Variants in RCOR1 observed in about 807,000 individuals in gnomAD.
RCOR1 encodes the protein REST corepressor 1.
A neutral mutation model predicts 64.0 loss-of-function variants in RCOR1; 12 were observed. The ratio of observed to expected loss-of-function variants is 0.19; its 90% CI spans 0.12 to 0.30. RCOR1 has a LOEUF of 0.30. Ranked by LOEUF, RCOR1 falls within the 10% of genes least tolerant of loss-of-function variation. RCOR1 has a pLI of 1.00. For synonymous variants in RCOR1, 279 were observed against 227.2 expected, an observed-to-expected ratio of 1.23 and a Z score of -2.05; for missense variants, 502 against 621.2, an observed-to-expected ratio of 0.81 and a Z score of 2.04.
At chr14:102,696,875 CTT>C (rs1160783019) in intron 3 of RCOR1, among the ~76,000 whole-genome samples, 5 of 77,280 alleles carry the variant, frequency 6.5e-5, no homozygotes, top group Non-Finnish European at 2.7e-5. Context: ...GGGTTGAAAG[CTT>C]TTTTTTTTTG....
At chr14:102,600,634 G>A (rs1184233992) in intron 2 of RCOR1, among the ~76,000 whole-genome samples, 1 of 149,018 alleles carries the variant, frequency 6.7e-6, no homozygotes, top group Non-Finnish European at 1.5e-5. Context: ...GCAGTGGCGT[G>A]ATCTCAGCTC....
At chr14:102,717,607 G>A (rs904541793) in intron 8 of RCOR1, among the ~76,000 whole-genome samples, 2 of 152,128 alleles carry the variant, frequency 1.3e-5, no homozygotes, top group African/African-American at 2.4e-5. Flanking sequence ...GAACTGTCTC[G>A]GGCTGTGAGC....
chr14:102,621,136 GTT>G (rs1001447503), intron 2 of RCOR1, among the ~76,000 whole-genome samples: 2 of 152,088 alleles, frequency 1.3e-5, no homozygotes, highest in Non-Finnish European at 2.9e-5. Flanking sequence ...TGCCCAGCTA[GTT>G]TTTTAGAATT....
intron 2 of RCOR1, among the ~76,000 whole-genome samples, chr14:102,633,700 C>G (rs747334432): frequency 4.6e-5 from 7 of 152,056 alleles, no homozygotes; most frequent in Non-Finnish European, 1.5e-5. Flanking sequence ...CCAACACGCC[C>G]GGCTAACTTT....
intron 2 of RCOR1, chr14:102,662,380 T>G (rs2139941091): frequency 3.5e-6 from 2 of 564,450 alleles, no homozygotes; most frequent in Non-Finnish European, 6.9e-6. Context: ...TCACAGCCTG[T>G]TTGATCTGGT....
chr14:102,701,627 A>G lies in RCOR1; in HGVS notation c.498+297A>G, dbSNP rs141228396. Among the ~76,000 whole-genome samples, 9 of 152,300 alleles carry G rather than the reference A, an allele frequency of 5.9e-5. 1 individual carries two copies. The highest frequency in any genetic ancestry group is 2.2e-4 in the African/African-American group (9 of 41,566). On this transcript the variant is annotated intron_variant, in intron 4 of 11. Coordinates refer to ENST00000262241, the MANE Select transcript of RCOR1 (RefSeq NM_015156.4). ...GAGCATAATGCTTTCTCATTTGAAT[A>G]TGTGATTTGTTTGTCATTCTTCTGG... is the stretch of plus-strand genomic sequence containing the variant.
At chr14:102,712,947 G>GTTTTTTTT (rs67246962) in intron 7 of RCOR1, among the ~76,000 whole-genome samples, 9 of 77,700 alleles carry the variant, frequency 1.2e-4, no homozygotes, top group Admixed American at 3.9e-4. Flanking sequence ...CTAAATCATT[G>GTTTTTTTT]TTTTTTTTTT....
At chr14:102,713,959 G>A (rs770237183) in intron 7 of RCOR1, among the ~76,000 whole-genome samples, 5 of 152,246 alleles carry the variant, frequency 3.3e-5, no homozygotes, top group South Asian at 2.1e-4. Context: ...ATTAATAGCC[G>A]TCATGCATTT....
At position 102,710,600 on chromosome 14, in the gene RCOR1, A is replaced by G. The variant is rs114639495; in HGVS notation, c.780-335A>G. 3.9e-3 allele frequency: 905 copies of G among 229,390 alleles called. 14 individuals are homozygous for G. Among genetic ancestry groups the G allele is most frequent in the African/African-American group, 0.019 (828 of 42,546 alleles). 14.2% of individuals were successfully genotyped at this position (229,390 alleles called of 1,614,324 possible). A position where few individuals can be genotyped will look rare whatever the true frequency, so the allele number is the denominator to read the frequency against. The stretch of plus-strand genomic sequence containing the variant: ...ATCATATCCTAGTCCTCAATAGATA[A>G]TTATGAGAAAATAACATGTAAATGC... On this transcript the variant is annotated intron_variant, in intron 6 of 11. Transcript: ENST00000262241.
rs1489674727 is a variant in RCOR1, at chr14:102,632,669, C to CT, written c.361+39347dup. On this transcript the variant is annotated intron_variant, in intron 2 of 11. Coordinates refer to ENST00000262241, the MANE Select transcript of RCOR1 (RefSeq NM_015156.4). ...CTTTCCTTTCCTTTCCTTTCCTTTC[C>CT]TTTCCTTTCCTTTTCCTTTTCCTTT... 7.4e-3 allele frequency among the ~76,000 whole-genome samples: 367 copies of CT among 49,730 alleles called. 3 individuals carry two copies. The highest frequency in any genetic ancestry group is 0.013 in the Non-Finnish European group (284 of 22,140). 32.6% of individuals were successfully genotyped at this position (49,730 alleles called of 152,430 possible). A position where few individuals can be genotyped will look rare whatever the true frequency, so the allele number is the denominator to read the frequency against.
intron 2 of RCOR1, among the ~76,000 whole-genome samples, chr14:102,635,280 G>C (rs1894212847): frequency 6.6e-6 from 1 of 152,176 alleles, no homozygotes; most frequent in Non-Finnish European, 1.5e-5. Context: ...CAGGCGGGTG[G>C]ATCACTTGAG....
At chr14:102,682,320 G>A (rs1463127675) in intron 3 of RCOR1, among the ~76,000 whole-genome samples, 1 of 152,114 alleles carries the variant, frequency 6.6e-6, no homozygotes, top group Non-Finnish European at 1.5e-5. Context: ...AGTAGAGATG[G>A]GGTTTTGCCA....
intron 2 of RCOR1, among the ~76,000 whole-genome samples, chr14:102,630,960 C>T (rs1317404381): frequency 6.6e-6 from 1 of 151,836 alleles, no homozygotes. Context: ...AGTCTCACGA[C>T]CTCTCCTTTT....
At chr14:102,677,380 C>T (rs1200961728) in intron 2 of RCOR1, among the ~76,000 whole-genome samples, 5 of 142,604 alleles carry the variant, frequency 3.5e-5, no homozygotes, top group East Asian at 2.1e-4. Context: ...GGCTGCCGGG[C>T]GGAGACGCTC....
chr14:102,717,622 G>C (rs1896092204), intron 8 of RCOR1, among the ~76,000 whole-genome samples: 1 of 152,202 alleles, frequency 6.6e-6, no homozygotes, highest in Admixed American at 6.5e-5. Context: ...GTGAGCTCTT[G>C]TTGACATTGT....
intron 2 of RCOR1, among the ~76,000 whole-genome samples, chr14:102,678,410 C>G (rs1450336446): frequency 6.6e-6 from 1 of 152,136 alleles, no homozygotes; most frequent in Non-Finnish European, 1.5e-5. Flanking sequence ...AGCCATTCTC[C>G]TGCCTCAGCC....
At position 102,672,961 on chromosome 14, in the gene RCOR1, C is replaced by T. The variant is rs1567430603; in HGVS notation, c.362-8934C>T. 2.0e-5 allele frequency among the ~76,000 whole-genome samples: 3 copies of T among 152,294 alleles called. No homozygotes were observed. In the East Asian group the frequency reaches 5.8e-4, roughly 29 times the overall value. The stretch of plus-strand genomic sequence containing the variant: ...GACTAGATGATTTTAAATTTGAACA[C>T]AGACATTGTATCAGGTAACATCAAA... On this transcript the variant is annotated intron_variant, in intron 2 of 11. Coordinates refer to ENST00000262241, the MANE Select transcript of RCOR1 (RefSeq NM_015156.4).
chr14:102,644,375 T>A (rs953964499), intron 2 of RCOR1, among the ~76,000 whole-genome samples: 2 of 152,202 alleles, frequency 1.3e-5, no homozygotes, highest in Non-Finnish European at 2.9e-5. Context: ...CATCTCTTGG[T>A]AGGAGTACAG....
intron 8 of RCOR1, among the ~76,000 whole-genome samples, chr14:102,715,220 C>T (rs1178164354): frequency 6.6e-6 from 1 of 151,896 alleles, no homozygotes; most frequent in Non-Finnish European, 1.5e-5. Flanking sequence ...AGGCACCCAC[C>T]ACCACGCCCA....
Sources: allele counts gnomAD v4.1 joint callset (sites outside exome capture counted in the v4.1 genomes callset), GRCh38; gene constraint gnomAD v4.1.1; transcripts MANE v1.5; gene names NCBI Gene and HGNC (gene_info 2026-07-23, HGNC 2026-07-21).